The following CNTNAP5 variants were observed in gnomAD, a reference collection of about 807,000 sequenced individuals.
The protein encoded by CNTNAP5 is contactin-associated protein-like 5.
CNTNAP5 carries 72 observed loss-of-function variants against 150.2 expected under a neutral mutation model. That is an observed-to-expected ratio of 0.48 (90% CI 0.40 to 0.58). The LOEUF is 0.58. CNTNAP5 is among the 20% of genes least tolerant of loss of function. CNTNAP5 has a pLI of 0.00. For synonymous variants in CNTNAP5, 672 were observed against 619.8 expected, an observed-to-expected ratio of 1.08 and a Z score of -1.25; for missense variants, 1,636 against 1,626.2, an observed-to-expected ratio of 1.01 and a Z score of -0.10.
chr2:124,821,227 G>A lies in CNTNAP5; in HGVS notation c.3217+22907G>A, dbSNP rs778214792. The stretch of plus-strand genomic sequence containing the variant: ...CACTCCACTTACCGATAAGAAAAGA[G>A]AGGGACAGAAAACTAAGGAGAAAAA... On this transcript the variant is annotated intron_variant, in intron 19 of 23. Coordinates refer to ENST00000682447, the MANE Select transcript of CNTNAP5 (RefSeq NM_001367498.1). 3.3e-5 allele frequency among the ~76,000 whole-genome samples: 5 copies of A among 152,320 alleles called. No individual in the cohort carries two copies. In the South Asian group the frequency reaches 6.2e-4, roughly 19 times the overall value.
chr2:124,604,037 A>T (rs1466574227), intron 11 of CNTNAP5, among the ~76,000 whole-genome samples: 1 of 152,118 alleles, frequency 6.6e-6, no homozygotes, highest in African/African-American at 2.4e-5. Context: ...CCCAAAATTG[A>T]CTCAGTAAAA....
chr2:124,142,505 A>G (rs1266556348), intron 1 of CNTNAP5, among the ~76,000 whole-genome samples: 1 of 146,730 alleles, frequency 6.8e-6, no homozygotes, highest in African/African-American at 2.5e-5. Flanking sequence ...CCGCTCAACT[A>G]CATGGAAACT....
chr2:124,362,286 G>A (rs1423942613), intron 3 of CNTNAP5, among the ~76,000 whole-genome samples: 2 of 152,188 alleles, frequency 1.3e-5, no homozygotes, highest in African/African-American at 4.8e-5. Flanking sequence ...CGCTCACGCT[G>A]GGAGCTGTAG....
intron 1 of CNTNAP5, among the ~76,000 whole-genome samples, chr2:124,151,402 G>T (rs550224612): frequency 6.6e-6 from 1 of 152,120 alleles, no homozygotes; most frequent in African/African-American, 2.4e-5. Flanking sequence ...TTGCTTTCAG[G>T]ACTTGGTAAG....
chr2:124,212,994 A>C (rs1267948946), intron 1 of CNTNAP5, among the ~76,000 whole-genome samples: 1 of 151,408 alleles, frequency 6.6e-6, no homozygotes, highest in African/African-American at 2.4e-5. Context: ...GCCTGGCACC[A>C]CGCCCGGCTA....
intron 4 of CNTNAP5, among the ~76,000 whole-genome samples, chr2:124,434,183 G>C (rs983754014): frequency 6.6e-6 from 1 of 152,140 alleles, no homozygotes; most frequent in Admixed American, 6.5e-5. Flanking sequence ...GCCAGACATA[G>C]GTACTTGCGG....
chr2:124,362,424 C>G lies in CNTNAP5; in HGVS notation c.382-55019C>G, dbSNP rs112020915. Among the ~76,000 whole-genome samples the G allele has an allele frequency of 3.1e-3, 471 of 152,284 alleles. 1 individual carries two copies. The highest frequency in any genetic ancestry group is 3.8e-3 in the Non-Finnish European group (260 of 68,016). ...ACTAAGTATTGTTGACTTTCAGAAT[C>G]CTATCTCACTGTCTAGCATCTTATC... On this transcript the variant is annotated intron_variant, in intron 3 of 23. Coordinates refer to ENST00000682447, the MANE Select transcript of CNTNAP5 (RefSeq NM_001367498.1).
chr2:124,475,206 A>G (rs1693612471), intron 7 of CNTNAP5, among the ~76,000 whole-genome samples: 1 of 152,176 alleles, frequency 6.6e-6, no homozygotes, highest in Admixed American at 6.6e-5. Flanking sequence ...AATATGAAAC[A>G]AGAAAACCAC....
chr2:124,659,745 T>C (rs568356563), intron 13 of CNTNAP5, among the ~76,000 whole-genome samples: 192 of 152,300 alleles, frequency 1.3e-3, no homozygotes, highest in Non-Finnish European at 2.2e-3. Context: ...AGAGACTATA[T>C]GTACATGTGA....
chr2:124,566,186 AG>A (rs1036400776), intron 11 of CNTNAP5, among the ~76,000 whole-genome samples: 2 of 152,180 alleles, frequency 1.3e-5, no homozygotes, highest in African/African-American at 4.8e-5. Flanking sequence ...TGCTGTAAGA[AG>A]TCAGAGACAA....
At chr2:124,227,505 T>C (rs1020685308) in intron 2 of CNTNAP5, among the ~76,000 whole-genome samples, 4 of 152,110 alleles carry the variant, frequency 2.6e-5, no homozygotes, top group African/African-American at 4.8e-5. Flanking sequence ...TTATTTTAAT[T>C]CCCAGGGAAT....
chr2:124,739,277 A>T (rs1415793219), intron 13 of CNTNAP5, among the ~76,000 whole-genome samples: 1 of 152,178 alleles, frequency 6.6e-6, no homozygotes, highest in Admixed American at 6.6e-5. Flanking sequence ...TTCTGAATTA[A>T]CGATCTTGAC....
chr2:124,257,878 T>C (rs1384032376), intron 3 of CNTNAP5, among the ~76,000 whole-genome samples: 2 of 152,204 alleles, frequency 1.3e-5, no homozygotes, highest in Non-Finnish European at 2.9e-5. Flanking sequence ...ACTTGCTGAC[T>C]ATTTGCCCTG....
At chr2:124,149,403 C>CAAAAAAAAAAAAAAAA (rs71394025) in intron 1 of CNTNAP5, among the ~76,000 whole-genome samples, 1 of 82,806 alleles carries the variant, frequency 1.2e-5, no homozygotes. Context: ...GCGTCAATTG[C>CAAAAAAAAAAAAAAAA]AAAAAAAAAA....
At chr2:124,803,022 G>A (rs182839745) in intron 19 of CNTNAP5, among the ~76,000 whole-genome samples, 13 of 151,766 alleles carry the variant, frequency 8.6e-5, no homozygotes, top group East Asian at 1.9e-4. Flanking sequence ...GGCTGAGGCA[G>A]GAGAATGATG....
intron 8 of CNTNAP5, among the ~76,000 whole-genome samples, chr2:124,508,370 A>G (rs910174729): frequency 1.3e-5 from 2 of 152,212 alleles, no homozygotes; most frequent in Non-Finnish European, 2.9e-5. Flanking sequence ...TTAAGCCTCA[A>G]TCCTCCTTAT....
intron 21 of CNTNAP5, among the ~76,000 whole-genome samples, chr2:124,872,374 C>CTG (rs56024878): frequency 0.04 from 5,634 of 139,346 alleles, 119 homozygotes; most frequent in South Asian, 0.066. Context: ...TTTCCTTATG[C>CTG]TGTGTGTGTG....
chr2:124,761,410 T>C (rs576493341), intron 14 of CNTNAP5, among the ~76,000 whole-genome samples: 1 of 152,244 alleles, frequency 6.6e-6, no homozygotes, highest in South Asian at 2.1e-4. Flanking sequence ...GTCCAGTCAG[T>C]GTGGGTTCCC....
chr2:124,397,032 C>T (rs528213986), intron 3 of CNTNAP5, among the ~76,000 whole-genome samples: 1 of 152,276 alleles, frequency 6.6e-6, no homozygotes, highest in African/African-American at 2.4e-5. Flanking sequence ...TGTCTTAGCA[C>T]ATCACTATAT....
Sources: allele counts gnomAD v4.1 joint callset (sites outside exome capture counted in the v4.1 genomes callset), GRCh38; gene constraint gnomAD v4.1.1; transcripts MANE v1.5; gene names NCBI Gene and HGNC (gene_info 2026-07-23, HGNC 2026-07-21).